TPD52: variants seen among roughly 807,000 people sequenced by gnomAD.
TPD52 encodes the protein tumor protein D52.
Under a neutral mutation model 31.3 loss-of-function variants are expected in TPD52, and 17 were observed. The observed-to-expected ratio is 0.54, with a 90% CI of 0.37 to 0.82. The LOEUF is 0.82. TPD52 is among the 40% of genes least tolerant of loss of function. TPD52 has a pLI of 0.00. For missense variants in TPD52, 212 were observed against 240.1 expected (o/e 0.88, Z 0.77); for synonymous variants, 83 against 89.6 (o/e 0.93, Z 0.42).
rs116508188 is a variant in TPD52, at chr8:80,131,329, A to T, written c.19+40096T>A. Reference sequence around the variant, plus strand: ...GAATTAATAAACTATTATTCTAATAAATCTGCTTTATTAATCACTGTATAC... The same window carrying T: ...GAATTAATAAACTATTATTCTAATATATCTGCTTTATTAATCACTGTATAC... On this transcript the variant is annotated intron_variant, in intron 1 of 7. Transcript: ENST00000518937. Among the ~76,000 whole-genome samples, 41 of 152,332 alleles carry T rather than the reference A, an allele frequency of 2.7e-4. 1 individual carries two copies. The highest frequency in any genetic ancestry group is 9.4e-4 in the African/African-American group (39 of 41,574).
intron 2 of TPD52, among the ~76,000 whole-genome samples, chr8:80,055,320 G>A (rs554761490): frequency 1.3e-5 from 2 of 152,284 alleles, no homozygotes; most frequent in East Asian, 1.9e-4. Context: ...TCATGGCTGC[G>A]ATTCCTTAAT....
At chr8:80,159,469 AG>A (rs1295261201) in intron 1 of TPD52, among the ~76,000 whole-genome samples, 1 of 152,178 alleles carries the variant, frequency 6.6e-6, no homozygotes, top group Non-Finnish European at 1.5e-5. Context: ...ACTTTTATGT[AG>A]TATAGGTATA....
chr8:80,033,313 G>A (rs1252046318), downstream of TPD52: 1 of 147,442 alleles, frequency 6.8e-6, no homozygotes, highest in African/African-American at 2.5e-5. Flanking sequence ...GGCGGGGAGG[G>A]GGGTTGGGGG....
At chr8:80,072,798 C>CATATATATATATATATAT (rs779389191) in intron 1 of TPD52, among the ~76,000 whole-genome samples, 44 of 141,038 alleles carry the variant, frequency 3.1e-4, no homozygotes, top group African/African-American at 1.3e-3. Flanking sequence ...CACACACACA[C>CATATATATATATATATAT]ATATATATAT....
chr8:80,048,596 G>A (rs1225574803), intron 5 of TPD52, among the ~76,000 whole-genome samples: 2 of 152,200 alleles, frequency 1.3e-5, no homozygotes, highest in African/African-American at 2.4e-5. Flanking sequence ...AGTTCTTGAG[G>A]GAACGTGGCC....
At chr8:80,095,253 C>G (rs1287042356) in intron 1 of TPD52, among the ~76,000 whole-genome samples, 1 of 152,106 alleles carries the variant, frequency 6.6e-6, no homozygotes, top group Non-Finnish European at 1.5e-5. Context: ...ATATTATTGA[C>G]AAAAGCCAAT....
At chr8:80,080,498 A>T in intron 1 of TPD52, 1 of 1,607,440 alleles carries the variant, frequency 6.2e-7, no homozygotes, top group Non-Finnish European at 8.5e-7. Flanking sequence ...GCCTGATATC[A>T]GCCTTCAGTT....
intron 1 of TPD52, among the ~76,000 whole-genome samples, chr8:80,116,485 T>C (rs933211920): frequency 2.7e-4 from 40 of 149,216 alleles, no homozygotes; most frequent in African/African-American, 9.3e-4. Context: ...AAAAGACCTC[T>C]AACAAGCAAA....
chr8:80,163,431 G>A (rs1586428128), intron 1 of TPD52, among the ~76,000 whole-genome samples: 2 of 152,094 alleles, frequency 1.3e-5, no homozygotes, highest in Non-Finnish European at 2.9e-5. Flanking sequence ...ATAAAATCAC[G>A]GTTTCTATGA....
intron 5 of TPD52, among the ~76,000 whole-genome samples, chr8:80,045,677 G>A (rs532665905): frequency 6.6e-6 from 1 of 152,170 alleles, no homozygotes; most frequent in Non-Finnish European, 1.5e-5. Flanking sequence ...GGATGGAAGA[G>A]GAATAGGTTT....
intron 1 of TPD52, among the ~76,000 whole-genome samples, chr8:80,085,506 G>A (rs1815669488): frequency 6.6e-6 from 1 of 152,300 alleles, no homozygotes; most frequent in South Asian, 2.1e-4. Flanking sequence ...TCCACCAGGA[G>A]AGGCAGGCCG....
intron 1 of TPD52, among the ~76,000 whole-genome samples, chr8:80,075,424 C>G (rs1814424728): frequency 6.6e-6 from 1 of 152,216 alleles, no homozygotes; most frequent in Non-Finnish European, 1.5e-5. Flanking sequence ...GAACAGTGGT[C>G]AATGTCCCCA....
chr8:80,052,636 ACAGAGCAGT>A (rs1811484319), intron 3 of TPD52: 1 of 1,289,018 alleles, frequency 7.8e-7, no homozygotes, highest in South Asian at 1.2e-5. Context: ...AATACAGAAG[ACAGAGCAGT>A]TCGGTTTCTG....
chr8:80,152,285 A>C (rs182575343), intron 1 of TPD52, among the ~76,000 whole-genome samples: 13 of 152,278 alleles, frequency 8.5e-5, no homozygotes, highest in African/African-American at 3.1e-4. Context: ...AGGATGAAGA[A>C]GCCAGGCCAA....
At position 80,057,118 on chromosome 8, in the gene TPD52, A is replaced by G. The variant is rs188501762; in HGVS notation, c.136-3688T>C. Among the ~76,000 whole-genome samples the G allele has an allele frequency of 2.0e-5, 3 of 152,320 alleles. No individual in the cohort carries two copies. In the East Asian group the frequency reaches 5.8e-4, roughly 29 times the overall value. Reference sequence around the variant, plus strand: ...AGGAGGCAGAGGTTGCAGTGAGCTGAGATCATGCTACTACACTCCAGCCTG... The same window carrying G: ...AGGAGGCAGAGGTTGCAGTGAGCTGGGATCATGCTACTACACTCCAGCCTG... On this transcript the variant is annotated intron_variant, in intron 2 of 7. Coordinates refer to ENST00000518937, the MANE Select transcript of TPD52 (RefSeq NM_001025253.3).
At chr8:80,090,050 A>G (rs1311926052) in intron 1 of TPD52, among the ~76,000 whole-genome samples, 1 of 152,182 alleles carries the variant, frequency 6.6e-6, no homozygotes, top group Non-Finnish European at 1.5e-5. Flanking sequence ...CAGAAGTGGT[A>G]GGCAGTGGAG....
At chr8:80,057,966 T>C (rs1484088155) in intron 2 of TPD52, among the ~76,000 whole-genome samples, 3 of 152,156 alleles carry the variant, frequency 2.0e-5, no homozygotes, top group East Asian at 1.9e-4. Context: ...TCAATCATAA[T>C]AGCACCTGCC....
In TPD52 at chr8:80,155,653, G is replaced by A. The variant is rs570114027; in HGVS notation, c.19+15772C>T. On this transcript the variant is annotated intron_variant, in intron 1 of 7. Coordinates refer to ENST00000518937, the MANE Select transcript of TPD52 (RefSeq NM_001025253.3). The stretch of plus-strand genomic sequence containing the variant: ...AATCTCAGCACTTTGAGAGGCCGAG[G>A]CGGGCAGATCACTTGAGGTCGGGAG... 2.0e-5 allele frequency among the ~76,000 whole-genome samples: 3 copies of A among 152,302 alleles called. No homozygotes were observed. The East Asian group carries it at 5.8e-4, about 29-fold the overall frequency.
intron 1 of TPD52, among the ~76,000 whole-genome samples, chr8:80,088,005 C>G (rs1221935961): frequency 6.6e-6 from 1 of 152,210 alleles, no homozygotes; most frequent in African/African-American, 2.4e-5. Context: ...GTGAGGTAAA[C>G]CTCTGCCTCT....
Sources: gnomAD v4.1 joint callset for allele counts (sites outside exome capture counted in the v4.1 genomes callset) on GRCh38, gnomAD v4.1.1 for gene constraint, MANE v1.5 for transcripts, NCBI Gene and HGNC (gene_info 2026-07-23, HGNC 2026-07-21) for gene names.